CDH4: variants seen among roughly 807,000 people sequenced by gnomAD.
The protein encoded by CDH4 is cadherin-4.
CDH4 carries 33 observed loss-of-function variants against 86.0 expected under a neutral mutation model. The observed-to-expected ratio is 0.38, with a 90% CI of 0.29 to 0.51. CDH4 has a LOEUF of 0.51. CDH4 is among the 20% of genes least tolerant of loss of function. The pLI is 0.86. For synonymous variants in CDH4, 555 were observed against 549.4 expected (o/e 1.01, Z -0.14); for missense variants, 1,114 against 1,307.4 (o/e 0.85, Z 2.28).
rs113150692 is a variant in CDH4 at position 61,487,259 on chromosome 20, T to A, written c.169+232322T>A. ...CAAAGATCAGTTGACCGTAGTTATG[T>A]GAGTCTGTTCTGCGGGGGAAGGGGG... On this transcript the variant is annotated intron_variant, in intron 2 of 15. Coordinates refer to ENST00000614565, the MANE Select transcript of CDH4 (RefSeq NM_001794.5). Among the ~76,000 whole-genome samples, 459 of 152,242 alleles carry A rather than the reference T, an allele frequency of 3.0e-3. 2 individuals carry two copies. The highest frequency in any genetic ancestry group is 0.01 in the Middle Eastern group (3 of 294).
At chr20:61,531,811 C>A (rs2085956892) in intron 2 of CDH4, among the ~76,000 whole-genome samples, 2 of 152,306 alleles carry the variant, frequency 1.3e-5, no homozygotes, top group Admixed American at 6.5e-5. Flanking sequence ...AGAATGCAGA[C>A]TGGAAATTGG....
At chr20:61,771,957 G>A (rs563730492) in intron 3 of CDH4, among the ~76,000 whole-genome samples, 20 of 152,272 alleles carry the variant, frequency 1.3e-4, no homozygotes, top group African/African-American at 4.6e-4. Flanking sequence ...CCTTTTTGAG[G>A]CTCTTGATAG....
At chr20:61,725,836 T>G (rs1276277347) in intron 2 of CDH4, among the ~76,000 whole-genome samples, 1 of 152,160 alleles carries the variant, frequency 6.6e-6, no homozygotes, top group Non-Finnish European at 1.5e-5. Flanking sequence ...TCTCTCCACC[T>G]GAGCCTTAAT....
chr20:61,606,941 T>A (rs2086650266), intron 2 of CDH4, among the ~76,000 whole-genome samples: 1 of 152,244 alleles, frequency 6.6e-6, no homozygotes, highest in Admixed American at 6.5e-5. Context: ...TTTCTCCGAC[T>A]GGCCTGCAGG....
intron 2 of CDH4, among the ~76,000 whole-genome samples, chr20:61,497,463 TAAAA>T (rs937272562): frequency 1.3e-4 from 19 of 151,930 alleles, no homozygotes; most frequent in Admixed American, 3.3e-4. Context: ...TTGTTGTTGT[TAAAA>T]AAAGAAAAAC....
At chr20:61,401,051 C>T (rs558103551) in intron 2 of CDH4, among the ~76,000 whole-genome samples, 2 of 152,350 alleles carry the variant, frequency 1.3e-5, no homozygotes, top group African/African-American at 4.8e-5. Context: ...GAGCTCCTAG[C>T]ACGGTCCCTA....
intron 2 of CDH4, among the ~76,000 whole-genome samples, chr20:61,731,579 G>A (rs1216093749): frequency 5.3e-5 from 8 of 152,222 alleles, no homozygotes; most frequent in Non-Finnish European, 1.2e-4. Context: ...CTGCTCAGCA[G>A]ATTCCTGAGG....
intron 2 of CDH4, among the ~76,000 whole-genome samples, chr20:61,524,828 T>C (rs1385596443): frequency 6.6e-6 from 1 of 152,186 alleles, no homozygotes; most frequent in Non-Finnish European, 1.5e-5. Flanking sequence ...TAAATTCCAT[T>C]CTCATTCATT....
chr20:61,625,621 G>C (rs2086823954), intron 2 of CDH4, among the ~76,000 whole-genome samples: 1 of 152,132 alleles, frequency 6.6e-6, no homozygotes, highest in South Asian at 2.1e-4. Context: ...GAAAAAACAG[G>C]GTTTTTAAAT....
chr20:61,730,828 T>C lies in CDH4; in HGVS notation c.170-12735T>C, dbSNP rs548279489. 7.9e-5 allele frequency among the ~76,000 whole-genome samples: 12 copies of C among 152,056 alleles called. 1 individual carries two copies. The Middle Eastern group carries it at 0.01, about 129-fold the overall frequency. Reference sequence around the variant, plus strand: ...ATCTACTTGCTCTGTGAGGCAGAGATTGGTGCTGGGGGCAGGGCCTGGCTG... The same window carrying C: ...ATCTACTTGCTCTGTGAGGCAGAGACTGGTGCTGGGGGCAGGGCCTGGCTG... On this transcript the variant is annotated intron_variant, in intron 2 of 15. Transcript: ENST00000614565.
intron 2 of CDH4, among the ~76,000 whole-genome samples, chr20:61,626,206 A>G (rs900582579): frequency 6.6e-6 from 1 of 152,178 alleles, no homozygotes; most frequent in Non-Finnish European, 1.5e-5. Context: ...TGAACTGTCG[A>G]CTGGGTCAGG....
intron 2 of CDH4, among the ~76,000 whole-genome samples, chr20:61,693,784 T>G (rs529629885): frequency 6.6e-6 from 1 of 152,128 alleles, no homozygotes; most frequent in African/African-American, 2.4e-5. Context: ...CCCCCATAAT[T>G]GTATGAGGCA....
At chr20:61,619,705 C>G (rs553138985) in intron 2 of CDH4, among the ~76,000 whole-genome samples, 1 of 152,348 alleles carries the variant, frequency 6.6e-6, no homozygotes, top group South Asian at 2.1e-4. Context: ...CCGTTGTGAT[C>G]TGTATCCTCA....
intron 2 of CDH4, among the ~76,000 whole-genome samples, chr20:61,285,079 T>TG (rs1568781901): frequency 1.3e-4 from 20 of 149,426 alleles, no homozygotes; most frequent in African/African-American, 4.6e-4. Flanking sequence ...CCTGTTTTTT[T>TG]TTTTTGTTTG....
chr20:61,694,094 A>G (rs2087690956), intron 2 of CDH4, among the ~76,000 whole-genome samples: 1 of 151,828 alleles, frequency 6.6e-6, no homozygotes, highest in Admixed American at 6.6e-5. Context: ...GGGTTTTGCC[A>G]TGTTGGCCAG....
At chr20:61,572,555 T>G (rs2086349495) in intron 2 of CDH4, among the ~76,000 whole-genome samples, 1 of 152,300 alleles carries the variant, frequency 6.6e-6, no homozygotes, top group South Asian at 2.1e-4. Context: ...CCTGCCATTC[T>G]TAGGAAGCAT....
At chr20:61,929,950 T>C in intron 13 of CDH4, 108 bp downstream of exon 13, 1 of 811,656 alleles carries the variant, frequency 1.2e-6, no homozygotes, top group Non-Finnish European at 2.0e-6. Flanking sequence ...AGCCCTCATC[T>C]CTCAGCCTCA....
intron 2 of CDH4, among the ~76,000 whole-genome samples, chr20:61,365,452 G>A (rs1342492473): frequency 6.6e-6 from 1 of 152,122 alleles, no homozygotes; most frequent in African/African-American, 2.4e-5. Flanking sequence ...CGGGTGATGA[G>A]TGCTGGGGTA....
rs150815960 is a variant in CDH4, at chr20:61,778,231, A to G, written c.576+5049A>G. 1.0e-3 allele frequency among the ~76,000 whole-genome samples: 156 copies of G among 152,324 alleles called. 1 individual carries two copies. Among genetic ancestry groups the G allele is most frequent in the Non-Finnish European group, 1.8e-3 (122 of 68,036 alleles). ...GAGACGGCTCCTGGAAGAAGCCCCA[A>G]TCACAGAGACGGTGGTGAATGCAGC... On this transcript the variant is annotated intron_variant, in intron 4 of 15. Transcript: ENST00000614565.
Sources: gnomAD v4.1 joint callset for allele counts (sites outside exome capture counted in the v4.1 genomes callset) on GRCh38, gnomAD v4.1.1 for gene constraint, MANE v1.5 for transcripts, NCBI Gene and HGNC (gene_info 2026-07-23, HGNC 2026-07-21) for gene names.